Variants in WBP1L observed in about 807,000 individuals in gnomAD.
WBP1L encodes the protein WW domain binding protein 1 like, also known as WW domain binding protein 1-like.
In WBP1L, 17 loss-of-function variants were observed where a neutral mutation model predicts 33.7. The observed-to-expected ratio is 0.50, with a 90% confidence interval of 0.34 to 0.76. The LOEUF (loss-of-function observed/expected upper bound fraction) is 0.76. Among genes scored for constraint, WBP1L ranks in the 30% least tolerant of loss-of-function variants. The pLI is 0.01. For missense variants in WBP1L, 389 were observed against 469.4 expected (o/e 0.83, Z 1.58); for synonymous variants, 173 against 190.8 (o/e 0.91, Z 0.77).
At chr10:102,765,944 T>A (rs1843100821) in intron 1 of WBP1L, among the ~76,000 whole-genome samples, 1 of 152,168 alleles carries the variant, frequency 6.6e-6, no homozygotes, top group South Asian at 2.1e-4. Context: ...TCCCACTTAA[T>A]ATAGACCATG....
At chr10:102,771,924 A>ATGC (rs938104916) in intron 1 of WBP1L, among the ~76,000 whole-genome samples, 6 of 151,886 alleles carry the variant, frequency 4.0e-5, no homozygotes, top group Non-Finnish European at 8.8e-5. Context: ...GATATCTCAG[A>ATGC]TGCTGCTTGG....
In WBP1L at chr10:102,767,931, G is replaced by A. The variant is rs564395233; in HGVS notation, c.90+23788G>A. The stretch of plus-strand genomic sequence containing the variant: ...CATTCTACCCCCAACTAATCTTTGC[G>A]TCATCTTTTTCTGCCTTTGGACGTA... On this transcript the variant is annotated intron_variant, in intron 1 of 3. Coordinates refer to ENST00000448841, the MANE Select transcript of WBP1L (RefSeq NM_001083913.2). 3.3e-5 allele frequency among the ~76,000 whole-genome samples: 5 copies of A among 152,190 alleles called. No individual in the cohort carries two copies. The South Asian group carries it at 6.2e-4, about 19-fold the overall frequency.
intron 1 of WBP1L, among the ~76,000 whole-genome samples, chr10:102,749,106 G>T (rs1030564283): frequency 1.3e-5 from 2 of 152,174 alleles, no homozygotes; most frequent in African/African-American, 4.8e-5. Context: ...CCATCCAGTA[G>T]AACCTTCTGT....
chr10:102,748,473 A>G (rs1394741871), intron 1 of WBP1L, among the ~76,000 whole-genome samples: 1 of 152,122 alleles, frequency 6.6e-6, no homozygotes, highest in Non-Finnish European at 1.5e-5. Context: ...CTCCTTATAC[A>G]ATAGTGGGAT....
At chr10:102,768,045 T>A (rs141971634) in intron 1 of WBP1L, among the ~76,000 whole-genome samples, 1 of 152,288 alleles carries the variant, frequency 6.6e-6, no homozygotes, top group African/African-American at 2.4e-5. Context: ...TACGTATTAT[T>A]TCAGTATCCA....
chr10:102,762,942 C>T (rs1363230879), intron 1 of WBP1L, among the ~76,000 whole-genome samples: 3 of 152,050 alleles, frequency 2.0e-5, no homozygotes, highest in Non-Finnish European at 2.9e-5. Context: ...CAGTGGCTCA[C>T]GCTTGTAATC....
At chr10:102,804,809 A>G (rs963784103) in intron 2 of WBP1L, among the ~76,000 whole-genome samples, 5 of 152,190 alleles carry the variant, frequency 3.3e-5, no homozygotes, top group Admixed American at 3.3e-4. Flanking sequence ...ATCACATCCA[A>G]TCTCAATTCA....
intron 1 of WBP1L, among the ~76,000 whole-genome samples, chr10:102,783,824 C>T (rs1424686986): frequency 6.6e-6 from 1 of 152,178 alleles, no homozygotes; most frequent in East Asian, 1.9e-4. Context: ...GTGGAGAAAC[C>T]TTGGGGTAGA....
rs1033123609 is a variant in WBP1L at position 102,810,389 on chromosome 10, C to T, written c.355+335C>T. ...TCCCTCCCTTCCTTCCTCCCTCCCT[C>T]TTTCTCTCTTTCTTTCTTTCTTTCT... On this transcript the variant is annotated intron_variant, in intron 3 of 3. Coordinates refer to ENST00000448841, the MANE Select transcript of WBP1L (RefSeq NM_001083913.2). 1.5e-4 allele frequency among the ~76,000 whole-genome samples: 7 copies of T among 48,056 alleles called. No homozygotes were observed. The East Asian group carries it at 2.2e-3, about 15-fold the overall frequency. The allele number at this position is 48,056 out of a possible 152,430, so 31.5% of individuals were successfully genotyped here. A position where few individuals can be genotyped will look rare whatever the true frequency, so the allele number is the denominator to read the frequency against.
chr10:102,774,002 G>C (rs1283650323), intron 1 of WBP1L, among the ~76,000 whole-genome samples: 1 of 152,214 alleles, frequency 6.6e-6, no homozygotes, highest in Non-Finnish European at 1.5e-5. Context: ...CAGTGAGCGT[G>C]GAGTGAGTGA....
At chr10:102,746,121 G>A in intron 1 of WBP1L, 3 of 985,228 alleles carry the variant, frequency 3.0e-6, no homozygotes, top group Non-Finnish European at 3.6e-6. Flanking sequence ...CACTTTTTCA[G>A]CAACGGGGAT....
intron 1 of WBP1L, among the ~76,000 whole-genome samples, chr10:102,794,053 G>T (rs1480819243): frequency 6.6e-6 from 1 of 152,096 alleles, no homozygotes; most frequent in African/African-American, 2.4e-5. Flanking sequence ...TTATAGGCGT[G>T]ACCCACCACA....
At chr10:102,763,102 G>T (rs1843063293) in intron 1 of WBP1L, among the ~76,000 whole-genome samples, 1 of 151,512 alleles carries the variant, frequency 6.6e-6, no homozygotes, top group South Asian at 2.1e-4. Flanking sequence ...TACTTCGGAA[G>T]CTGAGGTGGG....
intron 1 of WBP1L, among the ~76,000 whole-genome samples, chr10:102,763,098 G>A (rs1226560794): frequency 6.6e-6 from 1 of 151,274 alleles, no homozygotes; most frequent in Non-Finnish European, 1.5e-5. Context: ...CAGCTACTTC[G>A]GAAGCTGAGG....
chr10:102,777,578 T>C (rs1843282902), intron 1 of WBP1L, among the ~76,000 whole-genome samples: 1 of 141,096 alleles, frequency 7.1e-6, no homozygotes, highest in African/African-American at 2.7e-5. Context: ...TTTTTTTTTT[T>C]TTTTTTTTTG....
At chr10:102,753,569 GAT>G (rs1318688741) in intron 1 of WBP1L, among the ~76,000 whole-genome samples, 2 of 152,240 alleles carry the variant, frequency 1.3e-5, no homozygotes, top group East Asian at 3.9e-4. Context: ...GGGTTTTTGG[GAT>G]ATGCTTGCTT....
At chr10:102,791,640 A>G (rs1427329676) in intron 1 of WBP1L, among the ~76,000 whole-genome samples, 2 of 152,206 alleles carry the variant, frequency 1.3e-5, no homozygotes, top group Non-Finnish European at 2.9e-5. Flanking sequence ...CTCTATTTAA[A>G]CAAACAAAAA....
Position 102,813,467 on chromosome 10 carries a change from C to A in WBP1L, c.*136C>A. ...CCTTTTTGTTTGTTTTCCTTCTCCT[C>A]TCCTGCATTTTCCTCCATCTCCAGG... On this transcript the variant is annotated 3_prime_UTR_variant, in exon 4 of 4. Coordinates refer to ENST00000448841, the MANE Select transcript of WBP1L (RefSeq NM_001083913.2). 1 of 1,225,312 alleles carries A rather than the reference C, an allele frequency of 8.2e-7. No individual in the cohort carries two copies. The allele number at this position is 1,225,312 out of a possible 1,614,324, so 75.9% of individuals were successfully genotyped here.
chr10:102,808,624 C>T (rs1843776361), intron 2 of WBP1L, among the ~76,000 whole-genome samples: 1 of 152,158 alleles, frequency 6.6e-6, no homozygotes, highest in Non-Finnish European at 1.5e-5. Flanking sequence ...TGGAATTGTA[C>T]CCGATTAGGA....
Sources: allele counts gnomAD v4.1 joint callset (sites outside exome capture counted in the v4.1 genomes callset), GRCh38; gene constraint gnomAD v4.1.1; transcripts MANE v1.5; gene names NCBI Gene and HGNC (gene_info 2026-07-23, HGNC 2026-07-21).